Variants in CFAP206 observed in about 807,000 individuals in gnomAD.
The protein encoded by CFAP206 is cilia and flagella associated protein 206.
In CFAP206, 53 loss-of-function variants were observed where a neutral mutation model predicts 65.4. That is an observed-to-expected ratio of 0.81 (90% confidence interval 0.65 to 1.02). The LOEUF is 1.02. Among genes scored for constraint, CFAP206 ranks in the 50% least tolerant of loss-of-function variants. The pLI is 0.00. For synonymous variants in CFAP206, 250 were observed against 254.4 expected (o/e 0.98, Z 0.17); for missense variants, 663 against 753.2 (o/e 0.88, Z 1.40).
intron 7 of CFAP206, among the ~76,000 whole-genome samples, chr6:87,420,544 G>T (rs1462611353): frequency 6.6e-6 from 1 of 152,198 alleles, no homozygotes; most frequent in East Asian, 1.9e-4. Flanking sequence ...TAAGGAAGCT[G>T]CTTAACTTCC....
intron 10 of CFAP206, among the ~76,000 whole-genome samples, chr6:87,432,082 G>C (rs1041079309): frequency 1.3e-5 from 2 of 152,308 alleles, no homozygotes; most frequent in Non-Finnish European, 1.5e-5. Context: ...GCCAGGGCTA[G>C]AATGAAAACA....
At chr6:87,424,366 G>A (rs573424557) in intron 7 of CFAP206, among the ~76,000 whole-genome samples, 7 of 152,042 alleles carry the variant, frequency 4.6e-5, no homozygotes, top group African/African-American at 1.2e-4. Flanking sequence ...TGCAACCTCC[G>A]CCTCCCGAGT....
At chr6:87,410,752 G>A in intron 3 of CFAP206, 84 bp downstream of exon 3, 1 of 1,087,836 alleles carries the variant, frequency 9.2e-7, no homozygotes, top group Non-Finnish European at 1.4e-6. Context: ...ATTGCCTTCA[G>A]CTGCATGAAA....
At chr6:87,453,195 GAA>G (rs993023392) in intron 11 of CFAP206, among the ~76,000 whole-genome samples, 1 of 151,152 alleles carries the variant, frequency 6.6e-6, no homozygotes, top group Non-Finnish European at 1.5e-5. Flanking sequence ...AGTGCTGAAG[GAA>G]AAAAAAATTT....
chr6:87,432,339 C>CTGAGGCCCAA, intron 10 of CFAP206, among the ~76,000 whole-genome samples: 1 of 152,206 alleles, frequency 6.6e-6, no homozygotes, highest in East Asian at 1.9e-4. Context: ...AAGTAATATT[C>CTGAGGCCCAA]TGAGGCCCAG....
intron 9 of CFAP206, among the ~76,000 whole-genome samples, chr6:87,429,523 A>G (rs1207344678): frequency 6.6e-6 from 1 of 152,178 alleles, no homozygotes; most frequent in African/African-American, 2.4e-5. Context: ...GAATTTACAA[A>G]CCAATAAATG....
intron 7 of CFAP206, among the ~76,000 whole-genome samples, chr6:87,423,342 G>A (rs542184251): frequency 2.0e-5 from 3 of 151,244 alleles, no homozygotes; most frequent in Non-Finnish European, 2.9e-5. Flanking sequence ...TCCGCCTCCC[G>A]GGTTCACGCC....
intron 6 of CFAP206, among the ~76,000 whole-genome samples, chr6:87,417,553 CTTT>C (rs11394813): frequency 1.5e-5 from 2 of 132,824 alleles, no homozygotes; most frequent in African/African-American, 2.8e-5. Context: ...ACAAACGTTC[CTTT>C]TTTTTTTTTT....
At position 87,450,571 on chromosome 6, in the gene CFAP206, CA is replaced by C. The variant is rs10678289; in HGVS notation, c.1495-10437del. On this transcript the variant is annotated intron_variant, in intron 11 of 12. Coordinates refer to ENST00000369562, the MANE Select transcript of CFAP206 (RefSeq NM_001031743.3). ...CAAAAAGTCTCAAAGCTACTTATGGCAAAAAAAAAAAAAAGGTATGTTTCAC... is the reference window on the plus strand; with the variant it reads ...CAAAAAGTCTCAAAGCTACTTATGGCAAAAAAAAAAAAAGGTATGTTTCAC... Among the ~76,000 whole-genome samples, 542 of 120,850 alleles carry C rather than the reference CA, an allele frequency of 4.5e-3. 5 individuals carry two copies. The highest frequency in any genetic ancestry group is 4.1e-3 in the Middle Eastern group (1 of 242). 79.3% of individuals were successfully genotyped at this position (120,850 alleles called of 152,430 possible).
intron 3 of CFAP206, 70 bp downstream of exon 3, chr6:87,410,738 C>A: frequency 1.7e-6 from 2 of 1,174,898 alleles, no homozygotes; most frequent in Non-Finnish European, 2.5e-6. Flanking sequence ...TTGTATTAGT[C>A]ATTATTGCCT....
intron 7 of CFAP206, 56 bp downstream of exon 7, chr6:87,418,472 A>C: frequency 7.0e-7 from 1 of 1,420,900 alleles, no homozygotes; most frequent in Non-Finnish European, 9.9e-7. Flanking sequence ...TCTTTATATA[A>C]GGCCACATCA....
At chr6:87,446,787 A>G (rs1363207244) in intron 11 of CFAP206, among the ~76,000 whole-genome samples, 1 of 152,134 alleles carries the variant, frequency 6.6e-6, no homozygotes, top group East Asian at 1.9e-4. Context: ...TATGGGCAGT[A>G]TGGCCATTTT....
At chr6:87,424,006 C>G (rs1767993212) in intron 7 of CFAP206, among the ~76,000 whole-genome samples, 1 of 152,096 alleles carries the variant, frequency 6.6e-6, no homozygotes, top group African/African-American at 2.4e-5. Context: ...ACCTTTTTCT[C>G]TTCAAATAGA....
At chr6:87,450,016 C>CT (rs1216279404) in intron 11 of CFAP206, among the ~76,000 whole-genome samples, 93 of 152,190 alleles carry the variant, frequency 6.1e-4, no homozygotes, top group African/African-American at 2.2e-3. Context: ...AGATAGAGGT[C>CT]TAGTTTCATT....
At chr6:87,412,936 G>A (rs999993627) in intron 3 of CFAP206, among the ~76,000 whole-genome samples, 2 of 152,080 alleles carry the variant, frequency 1.3e-5, no homozygotes, top group African/African-American at 2.4e-5. Flanking sequence ...CTGGGATTAC[G>A]GGTGTGAGCC....
chr6:87,421,212 G>A (rs770323615), intron 7 of CFAP206, among the ~76,000 whole-genome samples: 14 of 152,164 alleles, frequency 9.2e-5, no homozygotes, highest in African/African-American at 2.4e-4. Context: ...TAGGCCGAGC[G>A]TGGTGGCTCA....
intron 11 of CFAP206, chr6:87,435,471 T>C (rs1235581780): frequency 6.4e-6 from 1 of 155,130 alleles, no homozygotes; most frequent in Non-Finnish European, 1.4e-5. Flanking sequence ...GTTTCTTGTA[T>C]GTCTGTGCCT....
chr6:87,414,025 C>A, intron 4 of CFAP206, 125 bp downstream of exon 4: 1 of 455,596 alleles, frequency 2.2e-6, no homozygotes, highest in Non-Finnish European at 3.6e-6. Context: ...TTTTGGCAAT[C>A]AACTTTGAGG....
Position 87,461,055 on chromosome 6 carries a change from A to G in CFAP206, c.1528A>G (p.Ile510Val). ...RDADKHYIKP[I>V]TKCESSTQTN... ...TGCTGACAAACATTATATAAAACCAATTACAAAATGTGAAAGTAGCACACA... is the reference window on the plus strand; with the variant it reads ...TGCTGACAAACATTATATAAAACCAGTTACAAAATGTGAAAGTAGCACACA... Residue 510 changes from isoleucine to valine, a missense_variant, in exon 12 of 13, where the codon ATT (isoleucine) becomes GTT (valine). Ile to Val is a conservative substitution (Grantham distance 29). Transcript: ENST00000369562. The G allele has an allele frequency of 1.3e-6, 2 of 1,589,090 alleles. No homozygotes were observed. Among genetic ancestry groups the G allele is most frequent in the Admixed American group, 1.9e-5 (1 of 54,034 alleles).
Sources: allele counts gnomAD v4.1 joint callset (sites outside exome capture counted in the v4.1 genomes callset), GRCh38; gene constraint gnomAD v4.1.1; transcripts MANE v1.5; gene names NCBI Gene and HGNC (gene_info 2026-07-23, HGNC 2026-07-21).